NAV3: variants seen among roughly 807,000 people sequenced by gnomAD.
The protein encoded by NAV3 is pore membrane and/or filament interacting like protein 1.
A neutral mutation model predicts 244.7 loss-of-function variants in NAV3; 87 were observed. That is an observed-to-expected ratio of 0.36 (90% CI 0.30 to 0.42). NAV3 has a LOEUF of 0.42. Among genes scored for constraint, NAV3 ranks in the 20% least tolerant of loss-of-function variants. The probability of loss-of-function intolerance (pLI) is 1.00; values close to 1 mark genes in which losing one functional copy is unlikely to be tolerated. For missense variants in NAV3, 2,663 were observed against 2,893.3 expected (o/e 0.92, Z 1.83); for synonymous variants, 1,126 against 1,042.2 (o/e 1.08, Z -1.55).
intron 2 of NAV3, among the ~76,000 whole-genome samples, chr12:77,603,349 A>G (rs1870525672): frequency 6.6e-6 from 1 of 152,124 alleles, no homozygotes; most frequent in African/African-American, 2.4e-5. Flanking sequence ...AAGACATTTT[A>G]ATACACTGGT....
intron 2 of NAV3, among the ~76,000 whole-genome samples, chr12:77,731,261 C>T (rs1186239402): frequency 1.3e-5 from 2 of 151,842 alleles, no homozygotes; most frequent in Non-Finnish European, 1.5e-5. Context: ...GGGAGGATTC[C>T]AGGGGAAGGT....
chr12:78,188,871 T>G (rs1958846176), intron 33 of NAV3, 94 bp downstream of exon 33: 1 of 1,213,632 alleles, frequency 8.2e-7, no homozygotes, highest in African/African-American at 1.5e-5. Flanking sequence ...CCCTTAAAAT[T>G]TTTCTATTTG....
intron 2 of NAV3, among the ~76,000 whole-genome samples, chr12:77,729,889 C>G (rs1294115431): frequency 6.6e-6 from 1 of 152,020 alleles, no homozygotes; most frequent in Non-Finnish European, 1.5e-5. Context: ...AAGCCATCAA[C>G]TCCTTCTTTA....
chr12:78,081,295 C>G (rs1453247572), intron 12 of NAV3, among the ~76,000 whole-genome samples: 1 of 152,124 alleles, frequency 6.6e-6, no homozygotes, highest in Non-Finnish European at 1.5e-5. Flanking sequence ...CACTCTTATG[C>G]CTTTTATGAT....
At chr12:78,088,826 G>A (rs912135245) in intron 12 of NAV3, 1 of 152,006 alleles carries the variant, frequency 6.6e-6, no homozygotes, top group African/African-American at 2.4e-5. Flanking sequence ...TGTATAATGG[G>A]ACCAAAAATA....
At position 77,928,010 on chromosome 12, in the gene NAV3, C is replaced by G. The variant is rs78289734; in HGVS notation, c.244-12309C>G. ...CTGAGGTGAGCATATTGCCTGAAGT[C>G]TGGAGTTCGAGACCAGTCTGGCCAA... On this transcript the variant is annotated intron_variant, in intron 1 of 39. Transcript: ENST00000397909. 3.0e-3 allele frequency among the ~76,000 whole-genome samples: 449 copies of G among 151,978 alleles called. 13 individuals carry two copies. The East Asian group carries it at 0.076, about 26-fold the overall frequency.
intron 2 of NAV3, among the ~76,000 whole-genome samples, chr12:77,580,221 C>CAA (rs1565723060): frequency 1.5e-4 from 4 of 26,866 alleles, no homozygotes; most frequent in Non-Finnish European, 3.1e-4. Flanking sequence ...AGGGTGGGAA[C>CAA]ACACACACAC....
chr12:77,678,311 GA>G (rs1189302942), intron 2 of NAV3, among the ~76,000 whole-genome samples: 2 of 152,060 alleles, frequency 1.3e-5, no homozygotes, highest in African/African-American at 4.8e-5. Flanking sequence ...CAGAAGAATG[GA>G]TTGACTGTTG....
chr12:77,869,534 A>G (rs1180003122), intron 1 of NAV3, among the ~76,000 whole-genome samples: 1 of 152,176 alleles, frequency 6.6e-6, no homozygotes. Flanking sequence ...TCTCTTCTCA[A>G]GAATTTTTGG....
intron 22 of NAV3, among the ~76,000 whole-genome samples, chr12:78,150,334 TA>T (rs1957024895): frequency 1.3e-5 from 2 of 152,214 alleles, no homozygotes; most frequent in Non-Finnish European, 2.9e-5. Context: ...GGTTTCATTT[TA>T]TTTTTAATGT....
At chr12:77,938,227 C>A (rs111653679) in intron 1 of NAV3, among the ~76,000 whole-genome samples, 3 of 152,198 alleles carry the variant, frequency 2.0e-5, no homozygotes, top group African/African-American at 7.2e-5. Context: ...GGAGTGTGCT[C>A]AATGTTTTAA....
At chr12:77,850,068 T>G (rs770038617) in intron 1 of NAV3, among the ~76,000 whole-genome samples, 1 of 152,202 alleles carries the variant, frequency 6.6e-6, no homozygotes, top group Non-Finnish European at 1.5e-5. Context: ...GTTACTCTAA[T>G]AAACCTGCTT....
chr12:77,653,206 C>T (rs533100618), intron 2 of NAV3, among the ~76,000 whole-genome samples: 34 of 152,316 alleles, frequency 2.2e-4, no homozygotes, highest in Admixed American at 1.7e-3. Context: ...GGTAGACTTA[C>T]GTAAGCACCT....
intron 2 of NAV3, among the ~76,000 whole-genome samples, chr12:77,769,593 A>C (rs1162090023): frequency 6.6e-6 from 1 of 152,252 alleles, no homozygotes; most frequent in African/African-American, 2.4e-5. Flanking sequence ...AATTCTGTGT[A>C]ACACAAGTTG....
chr12:77,866,936 T>A (rs1880134350), intron 1 of NAV3, among the ~76,000 whole-genome samples: 1 of 152,218 alleles, frequency 6.6e-6, no homozygotes, highest in African/African-American at 2.4e-5. Flanking sequence ...TAGAATATTC[T>A]AGAGTATTAG....
chr12:78,029,035 G>A (rs1241517746), intron 9 of NAV3, among the ~76,000 whole-genome samples: 1 of 152,144 alleles, frequency 6.6e-6, no homozygotes, highest in East Asian at 1.9e-4. Flanking sequence ...GCCTTGGAAT[G>A]CAGTGACTAA....
At chr12:77,981,879 A>G (rs1296401270) in intron 5 of NAV3, among the ~76,000 whole-genome samples, 2 of 152,126 alleles carry the variant, frequency 1.3e-5, no homozygotes, top group African/African-American at 4.8e-5. Context: ...AATCAAGAGT[A>G]CTACATGTCT....
At chr12:77,744,797 T>C (rs1316647810) in intron 2 of NAV3, among the ~76,000 whole-genome samples, 2 of 151,904 alleles carry the variant, frequency 1.3e-5, no homozygotes, top group Non-Finnish European at 2.9e-5. Context: ...TTAAATGATA[T>C]GCTAATAAAA....
At chr12:77,809,327 T>A (rs1872164983) in intron 2 of NAV3, among the ~76,000 whole-genome samples, 2 of 152,322 alleles carry the variant, frequency 1.3e-5, no homozygotes, top group South Asian at 4.1e-4. Flanking sequence ...TCTCCTGGTC[T>A]GTGGGTTGCA....
Sources: allele counts gnomAD v4.1 joint callset (sites outside exome capture counted in the v4.1 genomes callset), GRCh38; gene constraint gnomAD v4.1.1; transcripts MANE v1.5; gene names NCBI Gene and HGNC (gene_info 2026-07-23, HGNC 2026-07-21).